The following SRSF1 variants were observed in gnomAD, a reference collection of about 807,000 sequenced individuals.
The protein encoded by SRSF1 is serine and arginine rich splicing factor 1, also known as serine/arginine-rich splicing factor 1.
SRSF1 carries 1 observed loss-of-function variant against 25.9 expected under a neutral mutation model. The observed-to-expected ratio is 0.04, with a 90% CI of 0.01 to 0.18. The LOEUF (loss-of-function observed/expected upper bound fraction) is 0.18. Ranked by LOEUF, SRSF1 falls within the 10% of genes least tolerant of loss-of-function variation. The pLI is 1.00. For missense variants in SRSF1, 65 were observed against 350.5 expected (o/e 0.19, Z 6.50); for synonymous variants, 132 against 126.2 (o/e 1.05, Z -0.31).
chr17:58,000,290 TATA>T (rs1040442331), downstream of SRSF1, among the ~76,000 whole-genome samples: 1 of 152,174 alleles, frequency 6.6e-6, no homozygotes, highest in African/African-American at 2.4e-5. Context: ...TTAAGTATAC[TATA>T]ATCTCTTGGG....
chr17:58,006,051 A>T (rs770781265), intron 2 of SRSF1, 78 bp from the exon 3 acceptor site: 2 of 1,400,180 alleles, frequency 1.4e-6, no homozygotes, highest in Non-Finnish European at 2.0e-6. Flanking sequence ...ATTAGGACAA[A>T]GAGTACTTTA....
chr17:57,998,950 C>A (rs561967564), downstream of SRSF1, among the ~76,000 whole-genome samples: 1 of 152,194 alleles, frequency 6.6e-6, no homozygotes, highest in Non-Finnish European at 1.5e-5. Flanking sequence ...ATACTGTAAA[C>A]AGGAGACAAG....
the SRSF1 span, chr17:57,989,516 A>T: frequency 2.5e-6 from 1 of 397,684 alleles, no homozygotes; most frequent in Non-Finnish European, 4.4e-6. Context: ...AACTTCCCCC[A>T]TAGACAATAA....
At position 58,007,223 on chromosome 17, in the gene SRSF1, C is replaced by G; in HGVS notation, c.-86G>C. 6.6e-7 allele frequency: 1 copy of G among 1,504,118 alleles called. No homozygotes were observed. The highest frequency in any genetic ancestry group is 1.8e-5 in the Admixed American group (1 of 54,486). The allele number at this position is 1,504,118 out of a possible 1,614,324, so 93.2% of individuals were successfully genotyped here. ...GAGCGAGCCCGCAGCGGCACCACGT[C>G]TCCCGCGGCCCCTCCAAAATGGCGC... is the stretch of plus-strand genomic sequence containing the variant. On this transcript the variant is annotated 5_prime_UTR_variant, in exon 1 of 4. Coordinates refer to ENST00000258962, the MANE Select transcript of SRSF1 (RefSeq NM_006924.5).
chr17:57,998,717 CTACT>C (rs1337529697), downstream of SRSF1, among the ~76,000 whole-genome samples: 1 of 152,194 alleles, frequency 6.6e-6, no homozygotes, highest in Non-Finnish European at 1.5e-5. Flanking sequence ...GCTTTCCTTG[CTACT>C]TAGTGTTACC....
Position 58,005,177 on chromosome 17 carries a change from T to C in SRSF1, c.*229A>G, listed in dbSNP as rs2075418412. 3 of 587,622 alleles carry C rather than the reference T, an allele frequency of 5.1e-6. No individual in the cohort carries two copies. The highest frequency in any genetic ancestry group is 3.0e-6 in the Non-Finnish European group (1 of 332,764). 36.4% of individuals were successfully genotyped at this position (587,622 alleles called of 1,614,324 possible). On this transcript the variant is annotated 3_prime_UTR_variant, in exon 4 of 4. Transcript: ENST00000258962. This position sits in a 1 kb window ranked among gnomAD's most constrained non-coding sequence, Gnocchi z 5.2. Reference sequence around the variant, plus strand: ...ACACAATATCACAGTCTGAAGAGTATGGAGTTAACTAAATTTAAACAATCC... The same window carrying C: ...ACACAATATCACAGTCTGAAGAGTACGGAGTTAACTAAATTTAAACAATCC...
chr17:58,007,146 C>CA lies in SRSF1; in HGVS notation c.-10_-9insT, dbSNP rs777084091. 6.1e-4 allele frequency: 981 copies of CA among 1,613,662 alleles called. No homozygotes were observed. Among genetic ancestry groups the CA allele is most frequent in the Middle Eastern group, 1.2e-3 (7 of 6,060 alleles). The stretch of plus-strand genomic sequence containing the variant: ...ACACCACCTCCCGACATGGCGGTGA[C>CA]GAAAAGCGCGGACTCGAGAACAGGC... On this transcript the variant is annotated 5_prime_UTR_variant, in exon 1 of 4. Transcript: ENST00000258962.
In SRSF1 at chr17:58,003,255, C is replaced by G. The variant is rs2075405029; in HGVS notation, c.*2151G>C. The G allele has an allele frequency of 6.6e-6, 1 of 152,162 alleles. No homozygotes were observed. Among genetic ancestry groups the G allele is most frequent in the African/African-American group, 2.4e-5 (1 of 41,424 alleles). The allele number at this position is 152,162 out of a possible 1,614,324, so 9.4% of individuals were successfully genotyped here. ...ATCTTTCAGATGCTAGATCCATCCC[C>G]CACCGTCATTTACCAAGTTACATAC... is the stretch of plus-strand genomic sequence containing the variant. On this transcript the variant is annotated 3_prime_UTR_variant, in exon 4 of 4. Coordinates refer to ENST00000258962, the MANE Select transcript of SRSF1 (RefSeq NM_006924.5).
downstream of SRSF1, among the ~76,000 whole-genome samples, chr17:57,999,945 A>T (rs1261994598): frequency 6.6e-6 from 1 of 152,118 alleles, no homozygotes; most frequent in Non-Finnish European, 1.5e-5. Flanking sequence ...CTTGAGTATC[A>T]AGCTGAACTA....
In SRSF1 at chr17:58,002,294, C is replaced by G. The variant is rs375356032; in HGVS notation, c.*3112G>C. Among the ~76,000 whole-genome samples, 1 of 152,150 alleles carries G rather than the reference C, an allele frequency of 6.6e-6. No homozygotes were observed. Among genetic ancestry groups the G allele is most frequent in the East Asian group, 1.9e-4 (1 of 5,192 alleles). ...CATTCAACTTAACATCCCCTCTTCC[C>G]AACATTCCACAACGTTCATTAAAAT... On this transcript the variant is annotated 3_prime_UTR_variant, in exon 4 of 4. Coordinates refer to ENST00000258962, the MANE Select transcript of SRSF1 (RefSeq NM_006924.5).
At chr17:57,993,025 G>A in the SRSF1 span, 13 of 152,236 alleles carry the variant, frequency 8.5e-5, no homozygotes, top group African/African-American at 2.9e-4. Context: ...ACAAGGCCTA[G>A]ATAAGATCTG....
rs1169740842 is a variant in SRSF1, at chr17:58,002,920, C to T, written c.*2486G>A. 2.0e-5 allele frequency among the ~76,000 whole-genome samples: 3 copies of T among 152,070 alleles called. No homozygotes were observed. The highest frequency in any genetic ancestry group is 6.6e-5 in the Admixed American group (1 of 15,262). On this transcript the variant is annotated 3_prime_UTR_variant, in exon 4 of 4. Transcript: ENST00000258962. ...CTCAGCTACTTGGGAGACTGAGGCA[C>T]GAGAATCACTCAAATCCAGGGGTGG... is the stretch of plus-strand genomic sequence containing the variant.
chr17:57,994,405 G>T, the SRSF1 span: 1 of 152,132 alleles, frequency 6.6e-6, no homozygotes, highest in African/African-American at 2.4e-5. Flanking sequence ...AGAAAATTCA[G>T]GTAAACTTGA....
the SRSF1 span, chr17:57,994,127 C>T: frequency 2.0e-4 from 31 of 152,336 alleles, no homozygotes; most frequent in East Asian, 5.6e-3. Context: ...TTATTCCTCA[C>T]ATATGAAAAG....
chr17:57,999,950 G>A (rs2075379806), downstream of SRSF1, among the ~76,000 whole-genome samples: 1 of 152,056 alleles, frequency 6.6e-6, no homozygotes, highest in African/African-American at 2.4e-5. Context: ...GTATCAAGCT[G>A]AACTAAGTGT....
Position 58,002,474 on chromosome 17 carries a change from C to T in SRSF1, c.*2932G>A, listed in dbSNP as rs2075398506. Among the ~76,000 whole-genome samples the T allele has an allele frequency of 6.6e-6, 1 of 152,122 alleles. No homozygotes were observed. The highest frequency in any genetic ancestry group is 2.4e-5 in the African/African-American group (1 of 41,422). Reference sequence around the variant, plus strand: ...GTTAAAGTCTATTTATTTTAGGTCCCCTCCCCCAACCTAAATAGTACCAAG... The same window carrying T: ...GTTAAAGTCTATTTATTTTAGGTCCTCTCCCCCAACCTAAATAGTACCAAG... On this transcript the variant is annotated 3_prime_UTR_variant, in exon 4 of 4. Transcript: ENST00000258962.
In SRSF1 at chr17:58,005,400, A is replaced by G. The variant is rs1371477103; in HGVS notation, c.*6T>C. Reference sequence around the variant, plus strand: ...ATGGGTTCTACAAAAAGTGTCACCAATCATCTTATGTACGAGAGCGAGATC... The same window carrying G: ...ATGGGTTCTACAAAAAGTGTCACCAGTCATCTTATGTACGAGAGCGAGATC... On this transcript the variant is annotated 3_prime_UTR_variant, in exon 4 of 4. Transcript: ENST00000258962. This position sits in a 1 kb window ranked among gnomAD's most constrained non-coding sequence, Gnocchi z 5.2. 1.9e-6 allele frequency: 3 copies of G among 1,612,718 alleles called. No individual in the cohort carries two copies. Among genetic ancestry groups the G allele is most frequent in the Non-Finnish European group, 1.7e-6 (2 of 1,178,706 alleles).
chr17:57,989,311 T>C, the SRSF1 span: 3 of 398,518 alleles, frequency 7.5e-6, no homozygotes, highest in South Asian at 3.8e-4. Context: ...CAAGTGTCTC[T>C]AGTCCAAGAC....
chr17:58,000,265 G>C (rs2075381233), downstream of SRSF1, among the ~76,000 whole-genome samples: 1 of 152,100 alleles, frequency 6.6e-6, no homozygotes, highest in Admixed American at 6.5e-5. Context: ...CTCAATAACA[G>C]GAATAAGTAC....
Sources: gnomAD v4.1 joint callset for allele counts (sites outside exome capture counted in the v4.1 genomes callset) on GRCh38, gnomAD v4.1.1 for gene constraint, Gnocchi (gnomAD v3.1) non-coding constraint, MANE v1.5 for transcripts, NCBI Gene and HGNC (gene_info 2026-07-23, HGNC 2026-07-21) for gene names.